FMN1: variants seen among roughly 807,000 people sequenced by gnomAD.
The protein encoded by FMN1 is formin-1.
A neutral mutation model predicts 132.4 loss-of-function variants in FMN1; 110 were observed. That is an observed-to-expected ratio of 0.83 (90% CI 0.71 to 0.97). FMN1 has a LOEUF of 0.97. Ranked by LOEUF, FMN1 falls within the 50% of genes least tolerant of loss-of-function variation. The probability of loss-of-function intolerance (pLI) is 0.00; values close to 1 mark genes in which losing one functional copy is unlikely to be tolerated. For synonymous variants in FMN1, 722 were observed against 651.7 expected, an observed-to-expected ratio of 1.11 and a Z score of -1.64; for missense variants, 1,792 against 1,705.3, an observed-to-expected ratio of 1.05 and a Z score of -0.90.
In FMN1 at chr15:33,153,762, G is replaced by T. The variant is rs761558021; in HGVS notation, c.1153C>A (p.Arg385=). 1.3e-6 allele frequency: 2 copies of T among 1,536,258 alleles called. No individual in the cohort carries two copies. The highest frequency in any genetic ancestry group is 1.2e-5 in the South Asian group (1 of 84,060). ...GAEAGAHGSR[R]QGKERQGDRS... ...TCCCCTTGCCGCTCCTTGCCCTGCC[G>T]CCTGGAGCCATGAGCCCCAGCCTCA... Residue 385 remains arginine, a synonymous_variant, in exon 4 of 21, where the codon CGG becomes AGG. Transcript: ENST00000616417.
rs78326659 is a variant in FMN1, at chr15:32,858,238, G to A, written c.3836-1131C>T. Among the ~76,000 whole-genome samples, 853 of 152,290 alleles carry A rather than the reference G, an allele frequency of 5.6e-3. 4 individuals are homozygous for A. The highest frequency in any genetic ancestry group is 0.02 in the African/African-American group (823 of 41,554). On this transcript the variant is annotated intron_variant, in intron 16 of 20. Coordinates refer to ENST00000616417, the MANE Select transcript of FMN1 (RefSeq NM_001277313.2). ...ATATTTAAAACTAGCATCTCAGAAC[G>A]TATACTGCAGGCAAAGCAATAAACA... is the stretch of plus-strand genomic sequence containing the variant.
chr15:32,858,504 G>A (rs1327533038), intron 16 of FMN1, among the ~76,000 whole-genome samples: 1 of 152,166 alleles, frequency 6.6e-6, no homozygotes, highest in Non-Finnish European at 1.5e-5. Context: ...TCATGATACA[G>A]GGATGCTAGG....
chr15:32,919,723 T>A (rs1051878296), intron 10 of FMN1, among the ~76,000 whole-genome samples: 1 of 152,216 alleles, frequency 6.6e-6, no homozygotes, highest in Admixed American at 6.5e-5. Context: ...TAGACACTCT[T>A]CTAGGCTAGA....
intron 9 of FMN1, among the ~76,000 whole-genome samples, chr15:32,957,404 AG>A (rs1567461622): frequency 6.8e-6 from 1 of 147,190 alleles, no homozygotes; most frequent in Admixed American, 7.1e-5. Context: ...TACCTTGCTC[AG>A]GAACAAATGT....
intron 4 of FMN1, among the ~76,000 whole-genome samples, chr15:33,093,628 T>C (rs1292920442): frequency 1.3e-5 from 2 of 152,208 alleles, no homozygotes; most frequent in African/African-American, 4.8e-5. Context: ...GATACAATTC[T>C]GAGAAGGTGT....
At chr15:32,964,704 G>T (rs1046833854) in intron 8 of FMN1, among the ~76,000 whole-genome samples, 1 of 152,204 alleles carries the variant, frequency 6.6e-6, no homozygotes, top group African/African-American at 2.4e-5. Flanking sequence ...GTAAAGACCT[G>T]CCTCCTCTTT....
chr15:33,102,823 A>G (rs2039344778), intron 4 of FMN1, among the ~76,000 whole-genome samples: 1 of 152,150 alleles, frequency 6.6e-6, no homozygotes, highest in South Asian at 2.1e-4. Flanking sequence ...AAACTTTCTC[A>G]TATGGGTATT....
At chr15:33,193,025 A>G (rs1391140489) in intron 2 of FMN1, among the ~76,000 whole-genome samples, 1 of 152,178 alleles carries the variant, frequency 6.6e-6, no homozygotes, top group Non-Finnish European at 1.5e-5. Context: ...AGCCATTACA[A>G]TATACTGTCT....
intron 4 of FMN1, among the ~76,000 whole-genome samples, chr15:33,100,735 G>A (rs2039262663): frequency 6.6e-6 from 1 of 152,144 alleles, no homozygotes; most frequent in Admixed American, 6.5e-5. Context: ...GTAAATGGAA[G>A]CTAATCATAA....
At chr15:33,119,266 G>C (rs1962323706) in intron 4 of FMN1, among the ~76,000 whole-genome samples, 1 of 152,128 alleles carries the variant, frequency 6.6e-6, no homozygotes, top group African/African-American at 2.4e-5. Context: ...TGGGGTTACC[G>C]ACCTCCTGTG....
chr15:32,940,817 T>TC (rs1190301428), intron 9 of FMN1, among the ~76,000 whole-genome samples: 1 of 152,126 alleles, frequency 6.6e-6, no homozygotes, highest in Non-Finnish European at 1.5e-5. Context: ...CTCTTACCAT[T>TC]CTTCATGGCC....
chr15:32,931,081 T>C (rs1567414986), intron 9 of FMN1, among the ~76,000 whole-genome samples: 1 of 152,194 alleles, frequency 6.6e-6, no homozygotes, highest in East Asian at 1.9e-4. Context: ...TACCATACTG[T>C]TTTGATTACT....
chr15:32,814,072 G>C (rs72717668), intron 17 of FMN1, among the ~76,000 whole-genome samples: 19,241 of 152,098 alleles, frequency 0.13, 1,433 homozygotes, highest in African/African-American at 0.2. Context: ...AAAACAGACC[G>C]TGGGGGTACA....
chr15:32,804,380 T>C, intron 17 of FMN1, 48 bp from the exon 18 acceptor site: 2 of 1,137,480 alleles, frequency 1.8e-6, no homozygotes, highest in Non-Finnish European at 2.4e-6. Flanking sequence ...TGTTGTCTCC[T>C]TTGCGTAATC....
At chr15:33,114,001 G>A (rs1406184461) in intron 4 of FMN1, among the ~76,000 whole-genome samples, 1 of 152,156 alleles carries the variant, frequency 6.6e-6, no homozygotes, top group African/African-American at 2.4e-5. Context: ...GTTATCTAAG[G>A]TCCAAGTCAA....
At chr15:33,170,671 C>T (rs1965286413) in intron 3 of FMN1, among the ~76,000 whole-genome samples, 1 of 151,784 alleles carries the variant, frequency 6.6e-6, no homozygotes, top group Admixed American at 6.6e-5. Context: ...CAGGGAAATG[C>T]AAATCAAAAC....
intron 17 of FMN1, among the ~76,000 whole-genome samples, chr15:32,816,430 T>C (rs188251055): frequency 3.9e-5 from 6 of 152,356 alleles, no homozygotes; most frequent in South Asian, 2.1e-4. Context: ...CAAAATATTA[T>C]GGTTGCTATT....
At chr15:33,027,340 A>G (rs746749795) in intron 6 of FMN1, among the ~76,000 whole-genome samples, 4 of 152,236 alleles carry the variant, frequency 2.6e-5, no homozygotes, top group African/African-American at 7.2e-5. Context: ...ATTTTTTAGT[A>G]TAAGTGTGTC....
At chr15:32,792,998 CCTTA>C (rs1397477417) in intron 19 of FMN1, among the ~76,000 whole-genome samples, 1 of 152,056 alleles carries the variant, frequency 6.6e-6, no homozygotes, top group African/African-American at 2.4e-5. Context: ...AAGACGTTAT[CCTTA>C]CTGAGACAGG....
Sources: allele counts gnomAD v4.1 joint callset (sites outside exome capture counted in the v4.1 genomes callset), GRCh38; gene constraint gnomAD v4.1.1; transcripts MANE v1.5; gene names NCBI Gene and HGNC (gene_info 2026-07-23, HGNC 2026-07-21).